The following ZNF610 variants were observed in gnomAD, a reference collection of about 807,000 sequenced individuals.
ZNF610 encodes the protein zinc finger protein 610, also known as zink finger protein.
Under a neutral mutation model 14.1 loss-of-function variants are expected in ZNF610, and 14 were observed. The observed-to-expected ratio is 0.99, with a 90% confidence interval of 0.65 to 1.55. The LOEUF (loss-of-function observed/expected upper bound fraction) is 1.55. Ranked by LOEUF, ZNF610 falls within the 40% of genes most tolerant of loss-of-function variation. The pLI is 0.00. For synonymous variants in ZNF610, 185 were observed against 187.6 expected, an observed-to-expected ratio of 0.99 and a Z score of 0.11; for missense variants, 530 against 558.0, an observed-to-expected ratio of 0.95 and a Z score of 0.51.
chr19:52,335,911 A>T (rs1005421292), upstream of ZNF610, among the ~76,000 whole-genome samples: 3 of 152,204 alleles, frequency 2.0e-5, no homozygotes, highest in African/African-American at 7.2e-5. Context: ...CACTACGCCC[A>T]GGCTGGAGTG....
intron 5 of ZNF610, among the ~76,000 whole-genome samples, chr19:52,359,403 C>T (rs547801563): frequency 6.6e-6 from 1 of 152,214 alleles, no homozygotes; most frequent in Non-Finnish European, 1.5e-5. Flanking sequence ...ACAGATTCCA[C>T]AAAATTGCAG....
chr19:52,332,140 A>G (rs1346081593), upstream of ZNF610, among the ~76,000 whole-genome samples: 2 of 152,236 alleles, frequency 1.3e-5, no homozygotes, highest in Non-Finnish European at 2.9e-5. This position sits in a 1 kb window ranked among gnomAD's most constrained non-coding sequence, Gnocchi z 4.1. Flanking sequence ...GCTTTAAAGA[A>G]GTACTGGGAA....
chr19:52,365,616 GTGAGGC>G, intron 5 of ZNF610, 76 bp from the exon 6 acceptor site: 1 of 1,256,710 alleles, frequency 8.0e-7, no homozygotes, highest in South Asian at 1.5e-5. Context: ...TCTGAGTTGG[GTGAGGC>G]TGATTCTGGT....
chr19:52,350,417 C>T (rs538912411), intron 3 of ZNF610, among the ~76,000 whole-genome samples: 36 of 152,290 alleles, frequency 2.4e-4, no homozygotes, highest in Non-Finnish European at 5.1e-4. Flanking sequence ...GTGGCTCACG[C>T]CTGTAATCCC....
chr19:52,355,985 G>A (rs1318979112), intron 5 of ZNF610, among the ~76,000 whole-genome samples: 2 of 152,200 alleles, frequency 1.3e-5, no homozygotes, highest in African/African-American at 4.8e-5. Flanking sequence ...CTAGAAGCTA[G>A]TGGGTGGGGC....
At chr19:52,339,270 CAA>C (rs2122169862) in intron 1 of ZNF610, among the ~76,000 whole-genome samples, 1 of 151,986 alleles carries the variant, frequency 6.6e-6, no homozygotes, top group East Asian at 2.0e-4. Flanking sequence ...ATCTTAACTG[CAA>C]AGAGGCCTTC....
intron 3 of ZNF610, among the ~76,000 whole-genome samples, chr19:52,352,777 C>G (rs964963166): frequency 1.3e-5 from 2 of 152,092 alleles, no homozygotes; most frequent in African/African-American, 2.4e-5. Flanking sequence ...AGAGGAAATG[C>G]ATCCCACGTT....
chr19:52,365,773 A>T lies in ZNF610; in HGVS notation c.395A>T (p.His132Leu). Residue 132 changes from histidine to leucine, a missense_variant, in exon 6 of 6, where the codon CAT (histidine) becomes CTT (leucine). Physicochemically the swap from His to Leu is moderately conservative, Grantham distance 99. Coordinates refer to ENST00000403906, the MANE Select transcript of ZNF610 (RefSeq NM_001161425.2). ...KNQLGLTLEA[H>L]LSELQLFQAG... ...CAACTTGGATTAACCCTTGAGGCAC[A>T]TCTGTCTGAATTGCAGCTGTTTCAA... 1 of 1,614,196 alleles carries T rather than the reference A, an allele frequency of 6.2e-7. No homozygotes were observed. Among genetic ancestry groups the T allele is most frequent in the African/African-American group, 1.3e-5 (1 of 75,068 alleles).
chr19:52,361,208 C>T (rs1006835842), intron 5 of ZNF610, among the ~76,000 whole-genome samples: 2 of 149,694 alleles, frequency 1.3e-5, no homozygotes, highest in South Asian at 4.2e-4. Context: ...GACAGAGTCT[C>T]GCTCTTGTTG....
upstream of ZNF610, among the ~76,000 whole-genome samples, chr19:52,332,089 C>T (rs180777103): frequency 2.4e-3 from 371 of 152,236 alleles, no homozygotes; most frequent in African/African-American, 7.1e-3. The surrounding 1 kb of genome is among the most constrained non-coding windows in gnomAD (Gnocchi z 4.1). Flanking sequence ...CTGCCGGCAG[C>T]GGATATAAGG....
In ZNF610 at chr19:52,366,643, A is replaced by T. The variant is rs756361624; in HGVS notation, c.1265A>T (p.His422Leu). 2.1e-5 allele frequency: 34 copies of T among 1,614,252 alleles called. No homozygotes were observed. The highest frequency in any genetic ancestry group is 2.9e-5 in the Non-Finnish European group (34 of 1,180,052). ...TACCTAACCAACCATCAGAGAATTC[A>T]TACTGGAGAGAGACCTTACAAGTGT... Reference protein sequence around the residue: ...KLYLTNHQRIHTGERPYKCNA... With the variant: ...KLYLTNHQRILTGERPYKCNA... The change falls in exon 6 of 6, where the codon CAT becomes CTT. Residue 422 changes from histidine (H) to leucine (L), a missense_variant. His to Leu is a moderately conservative substitution (Grantham distance 99, BLOSUM62 -3). Transcript: ENST00000403906.
chr19:52,344,475 G>T (rs958106474), intron 1 of ZNF610, among the ~76,000 whole-genome samples: 1 of 152,126 alleles, frequency 6.6e-6, no homozygotes, highest in African/African-American at 2.4e-5. Flanking sequence ...CAGAAGGTGG[G>T]GACTGTGCTG....
Position 52,366,882 on chromosome 19 carries a change from A to G in ZNF610, c.*115A>G. 4.0e-6 allele frequency: 3 copies of G among 747,830 alleles called. No homozygotes were observed. The South Asian group carries it at 5.7e-5, about 14-fold the overall frequency. The allele number at this position is 747,830 out of a possible 1,614,324, so 46.3% of individuals were successfully genotyped here. The stretch of plus-strand genomic sequence containing the variant: ...AGAATTTAGTTTGCATTGAAGCCTC[A>G]TCACTCATCTCTTGATCCACACTGA... On this transcript the variant is annotated 3_prime_UTR_variant, in exon 6 of 6. Coordinates refer to ENST00000403906, the MANE Select transcript of ZNF610 (RefSeq NM_001161425.2).
upstream of ZNF610, among the ~76,000 whole-genome samples, chr19:52,333,667 T>G (rs1984259110): frequency 6.6e-6 from 1 of 152,214 alleles, no homozygotes; most frequent in African/African-American, 2.4e-5. Flanking sequence ...GGCCCATGAA[T>G]TAGTTAAAGA....
chr19:52,366,717 C>T lies in ZNF610; in HGVS notation c.1339C>T (p.Arg447Trp), dbSNP rs764773616. 1.4e-5 allele frequency: 23 copies of T among 1,613,936 alleles called. No individual in the cohort carries two copies. Among genetic ancestry groups the T allele is most frequent in the East Asian group, 4.5e-5 (2 of 44,890 alleles). ...TCAAAATCCACACCTTTCACGACAT[C>T]GGAAAATTCATGCTGGAGAGAATTC... is the stretch of plus-strand genomic sequence containing the variant. Reference protein sequence around the residue: ...FNQNPHLSRHRKIHAGENSLR... With the variant: ...FNQNPHLSRHWKIHAGENSLR... The change falls in exon 6 of 6, where the codon CGG (arginine) becomes TGG (tryptophan). Residue 447 changes from arginine to tryptophan, a missense_variant. Coordinates refer to ENST00000403906, the MANE Select transcript of ZNF610 (RefSeq NM_001161425.2).
intron 5 of ZNF610, among the ~76,000 whole-genome samples, chr19:52,357,588 T>C (rs1394823565): frequency 1.6e-5 from 2 of 128,114 alleles, no homozygotes; most frequent in Non-Finnish European, 3.1e-5. Flanking sequence ...GAGCTTGCAG[T>C]GAGCGGAGAT....
chr19:52,358,227 G>A (rs111968617), intron 5 of ZNF610, among the ~76,000 whole-genome samples: 15 of 152,146 alleles, frequency 9.9e-5, no homozygotes, highest in African/African-American at 2.9e-4. Context: ...CTCTGTCGCC[G>A]GGCTGGAGTG....
intron 1 of ZNF610, among the ~76,000 whole-genome samples, chr19:52,338,983 A>G (rs917164885): frequency 1.3e-5 from 2 of 151,892 alleles, no homozygotes; most frequent in African/African-American, 4.8e-5. Context: ...ACCATCTCGG[A>G]GAGGGGGATG....
rs1986080536 is a variant in ZNF610, at chr19:52,366,605, T to C, written c.1227T>C (p.Phe409=). Residue 409 remains phenylalanine, a synonymous_variant, in exon 6 of 6, where the codon TTT becomes TTC. Transcript: ENST00000403906. The stretch of plus-strand genomic sequence containing the variant: ...AATGTAATGAATGTGACAAAGTCTT[T>C]GGGCGCAAATTATACCTAACCAACC... ...PYKCNECDKV[F]GRKLYLTNHQ... 1.2e-6 allele frequency: 2 copies of C among 1,614,094 alleles called. No individual in the cohort carries two copies. The highest frequency in any genetic ancestry group is 1.3e-5 in the African/African-American group (1 of 74,930).
Sources: gnomAD v4.1 joint callset for allele counts (sites outside exome capture counted in the v4.1 genomes callset) on GRCh38, gnomAD v4.1.1 for gene constraint, Gnocchi (gnomAD v3.1) non-coding constraint, MANE v1.5 for transcripts, NCBI Gene and HGNC (gene_info 2026-07-23, HGNC 2026-07-21) for gene names.